Variants in FCAMR observed in about 807,000 individuals in gnomAD.
FCAMR encodes Fc alpha and mu receptor.
FCAMR carries 51 observed loss-of-function variants against 52.2 expected under a neutral mutation model. That is an observed-to-expected ratio of 0.98 (90% CI 0.78 to 1.23). FCAMR has a LOEUF of 1.23. Ranked by LOEUF, FCAMR falls within the 50% of genes most tolerant of loss-of-function variation. The pLI, the probability that FCAMR is intolerant of heterozygous loss-of-function variation, is 0.00. For synonymous variants in FCAMR, 282 were observed against 262.0 expected (o/e 1.08, Z -0.74); for missense variants, 719 against 712.6 (o/e 1.01, Z -0.10).
rs758487178 is a variant in FCAMR at position 206,959,692 on chromosome 1, C to G, written c.1560G>C (p.Trp520Cys). 6.2e-7 allele frequency: 1 copy of G among 1,613,960 alleles called. No homozygotes were observed. The highest frequency in any genetic ancestry group is 1.1e-5 in the South Asian group (1 of 91,070). The change falls in exon 7 of 8, where the codon TGG (tryptophan) becomes TGC (cysteine). Residue 520 changes from tryptophan to cysteine, a missense_variant. Trp to Cys is a radical substitution (Grantham distance 215). Coordinates refer to ENST00000324852, the MANE Select transcript of FCAMR (RefSeq NM_001170631.2). Reference protein sequence around the residue: ...MALVLLQRKLWRRRTSQEAER... With the variant: ...MALVLLQRKLCRRRTSQEAER... The stretch of plus-strand genomic sequence containing the variant: ...TACTCAACTCACAGGTCCTCCTTCT[C>G]CAGAGCTTCCTTTGCAATAGAACCA...
At chr1:206,959,087 A>G in intron 7 of FCAMR, 1 of 383,610 alleles carries the variant, frequency 2.6e-6, no homozygotes, top group Non-Finnish European at 5.2e-6. Flanking sequence ...GCTTATGGTT[A>G]ACATAGGCAT....
intron 6 of FCAMR, 111 bp from the exon 7 acceptor site, chr1:206,959,908 CA>C: frequency 1.2e-6 from 1 of 845,170 alleles, no homozygotes; most frequent in East Asian, 2.5e-5. Flanking sequence ...GAGGCCAAAG[CA>C]AATGGGCAGC....
chr1:206,958,466 T>G lies in FCAMR; in HGVS notation c.*50A>C. On this transcript the variant is annotated 3_prime_UTR_variant, in exon 8 of 8. Coordinates refer to ENST00000324852, the MANE Select transcript of FCAMR (RefSeq NM_001170631.2). ...AAGAGGCTGGGGTCCTGAAGGCCTT[T>G]GATCTTGGTCCTTCTCCCATGGTAA... The G allele has an allele frequency of 1.2e-4, 179 of 1,542,676 alleles. No homozygotes were observed. Among genetic ancestry groups the G allele is most frequent in the Non-Finnish European group, 1.4e-4 (162 of 1,141,266 alleles).
At chr1:206,959,303 C>A (rs1172011178) in intron 7 of FCAMR, among the ~76,000 whole-genome samples, 3 of 151,878 alleles carry the variant, frequency 2.0e-5, no homozygotes. Flanking sequence ...ACAGTGAAAC[C>A]CCATCTCTAC....
Position 206,958,532 on chromosome 1 carries a change from C to T in FCAMR, c.1718G>A (p.Arg573Lys), listed in dbSNP as rs926446142. Residue 573 changes from arginine to lysine, a missense_variant, in exon 8 of 8, where the codon AGA becomes AAA. Arg to Lys is a conservative substitution (Grantham distance 26). Coordinates refer to ENST00000324852, the MANE Select transcript of FCAMR (RefSeq NM_001170631.2). ...CTCTGTCCCTCAGGGTCCTGGATTT[C>T]TCTCTGGGGCAGTCAGGCTGGCCCC... Reference protein sequence around the residue: ...PAGASLTAPERNPGP With the variant: ...PAGASLTAPEKNPGP 9 of 1,612,434 alleles carry T rather than the reference C, an allele frequency of 5.6e-6. No individual in the cohort carries two copies. The highest frequency in any genetic ancestry group is 7.6e-6 in the Non-Finnish European group (9 of 1,179,736).
intron 5 of FCAMR, 74 bp from the exon 6 acceptor site, chr1:206,961,297 G>A (rs1437533302): frequency 1.6e-6 from 2 of 1,254,114 alleles, no homozygotes; most frequent in Non-Finnish European, 2.2e-6. Flanking sequence ...AGGACACCAG[G>A]TTTAAAATGT....
intron 1 of FCAMR, among the ~76,000 whole-genome samples, chr1:206,968,769 G>A (rs956872022): frequency 1.3e-5 from 2 of 152,154 alleles, no homozygotes; most frequent in African/African-American, 4.8e-5. Flanking sequence ...GAAAAGGGAA[G>A]AGAGAAGACA....
chr1:206,968,912 T>C (rs753836258), intron 1 of FCAMR, among the ~76,000 whole-genome samples: 4 of 152,198 alleles, frequency 2.6e-5, no homozygotes, highest in East Asian at 1.9e-4. Flanking sequence ...TCTACCCAGT[T>C]TGAGCCCCAA....
At chr1:206,959,044 C>T (rs1680382568) in intron 7 of FCAMR, 6 of 457,720 alleles carry the variant, frequency 1.3e-5, no homozygotes, top group Non-Finnish European at 8.8e-6. Flanking sequence ...GGGCCCTGCA[C>T]TCCTGCTCTC....
intron 2 of FCAMR, 144 bp downstream of exon 2, chr1:206,967,439 G>A: frequency 8.2e-6 from 7 of 858,280 alleles, no homozygotes; most frequent in Non-Finnish European, 1.3e-5. Context: ...CTGAGTTTGT[G>A]GGGAGCACCG....
At chr1:206,968,527 A>C (rs532554091) in intron 1 of FCAMR, among the ~76,000 whole-genome samples, 1 of 152,296 alleles carries the variant, frequency 6.6e-6, no homozygotes, top group Admixed American at 6.5e-5. Context: ...TCCTACTCTA[A>C]TACGTTCCTC....
intron 4 of FCAMR, among the ~76,000 whole-genome samples, chr1:206,963,235 G>A (rs143876558): frequency 6.6e-6 from 1 of 152,234 alleles, no homozygotes; most frequent in African/African-American, 2.4e-5. Context: ...CTTTTCCATA[G>A]AAACAGAAAC....
In FCAMR at chr1:206,958,496, G is replaced by A. The variant is rs756441771; in HGVS notation, c.*20C>T. On this transcript the variant is annotated 3_prime_UTR_variant, in exon 8 of 8. Transcript: ENST00000324852. ...TTGGTCCTTCTCCCATGGTAACTGA[G>A]CAGTTCATCTCTCTGTCCCTCAGGG... 6.2e-7 allele frequency: 1 copy of A among 1,601,622 alleles called. No homozygotes were observed. The highest frequency in any genetic ancestry group is 8.5e-7 in the Non-Finnish European group (1 of 1,173,890).
At chr1:206,964,451 G>C (rs1344419695) in intron 4 of FCAMR, among the ~76,000 whole-genome samples, 2 of 151,778 alleles carry the variant, frequency 1.3e-5, no homozygotes, top group Non-Finnish European at 2.9e-5. Flanking sequence ...TTGAGGGTGG[G>C]GCCTGGTGGG....
chr1:206,969,254 C>T (rs759043266), intron 1 of FCAMR: 2 of 455,876 alleles, frequency 4.4e-6, no homozygotes, highest in African/African-American at 4.0e-5. Flanking sequence ...GTCACCGGTG[C>T]AGCAATCTCT....
At chr1:206,959,559 G>T in intron 7 of FCAMR, 120 bp downstream of exon 7, 1 of 715,574 alleles carries the variant, frequency 1.4e-6, no homozygotes. Flanking sequence ...AAATGGCTCA[G>T]CCTAGAATTT....
Position 206,960,938 on chromosome 1 carries a change from G to A in FCAMR, c.938C>T (p.Pro313Leu), listed in dbSNP as rs947124080. The A allele has an allele frequency of 5.2e-6, 8 of 1,552,078 alleles. No homozygotes were observed. The highest frequency in any genetic ancestry group is 6.1e-6 in the Non-Finnish European group (7 of 1,147,122). The change falls in exon 6 of 8, where the codon CCT (proline) becomes CTT (leucine). Residue 313 changes from proline (P) to leucine (L), a missense_variant. Physicochemically the swap from Pro to Leu is moderately conservative, Grantham distance 98. Transcript: ENST00000324852. ...ATTGGACATGCTTCTGCTCTTTGAAGGTGGACTCTCTGGAATCGGAGCAGG... is the reference window on the plus strand; with the variant it reads ...ATTGGACATGCTTCTGCTCTTTGAAAGTGGACTCTCTGGAATCGGAGCAGG... Reference protein sequence around the residue: ...KAPAPIPESPPSKSRSMSNTT... With the variant: ...KAPAPIPESPLSKSRSMSNTT...
At chr1:206,968,998 T>C (rs1367819459) in intron 1 of FCAMR, among the ~76,000 whole-genome samples, 3 of 152,192 alleles carry the variant, frequency 2.0e-5, no homozygotes, top group African/African-American at 4.8e-5. Flanking sequence ...GTCCCCTAGC[T>C]TGGGCACTGC....
intron 6 of FCAMR, 119 bp from the exon 7 acceptor site, chr1:206,959,916 C>A: frequency 1.3e-6 from 1 of 784,200 alleles, no homozygotes; most frequent in East Asian, 2.5e-5. Flanking sequence ...AGCAAATGGG[C>A]AGCCCTGGTT....
Sources: allele counts gnomAD v4.1 joint callset (sites outside exome capture counted in the v4.1 genomes callset), GRCh38; gene constraint gnomAD v4.1.1; transcripts MANE v1.5; gene names NCBI Gene and HGNC (gene_info 2026-07-23, HGNC 2026-07-21).